ALPP: variants seen among roughly 807,000 people sequenced by gnomAD.
ALPP encodes the protein alkaline phosphatase, placental, also known as alkaline phosphatase, placental type.
ALPP carries 39 observed loss-of-function variants against 50.7 expected under a neutral mutation model. That is an observed-to-expected ratio of 0.77 (90% CI 0.60 to 1.00). The LOEUF (loss-of-function observed/expected upper bound fraction) is 1.00. Among genes scored for constraint, ALPP ranks in the 50% least tolerant of loss-of-function variants. The pLI is 0.00. For missense variants in ALPP, 550 were observed against 746.8 expected, an observed-to-expected ratio of 0.74 and a Z score of 3.07; for synonymous variants, 226 against 320.3, an observed-to-expected ratio of 0.71 and a Z score of 3.14.
chr2:232,379,434 G>A (rs1259305762), intron 3 of ALPP, 79 bp from the exon 4 acceptor site: 39 of 1,595,542 alleles, frequency 2.4e-5, no homozygotes, highest in Non-Finnish European at 3.2e-5. Context: ...AGAGGCAGTT[G>A]GAATCCCAGA....
rs74337556 is a variant in ALPP at position 232,379,906 on chromosome 2, T to C, written c.627T>C (p.Ala209=). The C allele has an allele frequency of 6.5e-3, 10,522 of 1,612,092 alleles. 566 individuals are homozygous for C. The African/African-American group carries it at 0.12, about 18-fold the overall frequency. The change falls in exon 5 of 11, where the codon GCT becomes GCC. Residue 209 remains alanine, a synonymous_variant. Coordinates refer to ENST00000392027, the MANE Select transcript of ALPP (RefSeq NM_001632.5). ...SARQEGCQDI[A]TQLISNMDID... Reference sequence around the variant, plus strand: ...GCCAGGAGGGGTGCCAGGACATCGCTACGCAGCTCATCTCCAACATGGACA... The same window carrying C: ...GCCAGGAGGGGTGCCAGGACATCGCCACGCAGCTCATCTCCAACATGGACA...
In ALPP at chr2:232,379,001, G is replaced by C. The variant is rs976994000; in HGVS notation, c.107G>C (p.Arg36Pro). 6.2e-7 allele frequency: 1 copy of C among 1,614,082 alleles called. No homozygotes were observed. ...GAGGAGAACCCGGACTTCTGGAACC[G>C]CGAGGCAGCCGAGGCCCTGGGTGCC... is the stretch of plus-strand genomic sequence containing the variant. The part of the protein sequence containing the change: ...VEEENPDFWN[R>P]EAAEALGAAK... Residue 36 changes from arginine (R) to proline (P), a missense_variant, in exon 2 of 11, where the codon CGC becomes CCC. Arg to Pro is a moderately radical substitution (Grantham distance 103). Transcript: ENST00000392027.
intron 3 of ALPP, 31 bp from the exon 4 acceptor site, chr2:232,379,482 A>G (rs767796067): frequency 1.4e-5 from 23 of 1,613,196 alleles, no homozygotes; most frequent in Non-Finnish European, 1.9e-5. Context: ...TGTCTGCCCC[A>G]GAGAAGAGCT....
Position 232,382,131 on chromosome 2 carries a change from G to A in ALPP, c.*336G>A. 2.2e-6 allele frequency: 1 copy of A among 451,682 alleles called. No individual in the cohort carries two copies. Among genetic ancestry groups the A allele is most frequent in the Non-Finnish European group, 3.9e-6 (1 of 254,210 alleles). The allele number at this position is 451,682 out of a possible 1,614,324, so 28.0% of individuals were successfully genotyped here. A position where few individuals can be genotyped will look rare whatever the true frequency, so the allele number is the denominator to read the frequency against. On this transcript the variant is annotated 3_prime_UTR_variant, in exon 11 of 11. Coordinates refer to ENST00000392027, the MANE Select transcript of ALPP (RefSeq NM_001632.5). ...CAGGCTCCCTTCCTGGGGAAAAGAA[G>A]CACCCAGACCCCGCGCCCCGCTGAT...
Position 232,382,143 on chromosome 2 carries a change from C to T in ALPP, c.*348C>T, listed in dbSNP as rs1049051. ...CTGGGGAAAAGAAGCACCCAGACCCCGCGCCCCGCTGATCTTTGCTTCAGT... is the reference window on the plus strand; with the variant it reads ...CTGGGGAAAAGAAGCACCCAGACCCTGCGCCCCGCTGATCTTTGCTTCAGT... On this transcript the variant is annotated 3_prime_UTR_variant, in exon 11 of 11. Transcript: ENST00000392027. 4 of 408,520 alleles carry T rather than the reference C, an allele frequency of 9.8e-6. No homozygotes were observed. The highest frequency in any genetic ancestry group is 4.1e-5 in the Admixed American group (1 of 24,468). 25.3% of individuals were successfully genotyped at this position (408,520 alleles called of 1,614,324 possible). A position where few individuals can be genotyped will look rare whatever the true frequency, so the allele number is the denominator to read the frequency against.
At position 232,381,953 on chromosome 2, in the gene ALPP, T is replaced by C. The variant is rs1358581649; in HGVS notation, c.*158T>C. On this transcript the variant is annotated 3_prime_UTR_variant, in exon 11 of 11. Transcript: ENST00000392027. ...TCCCCTCCCCGTGCGCTCTGGGGACTGAGCCCATGACACCAAACCTGCCCC... is the reference window on the plus strand; with the variant it reads ...TCCCCTCCCCGTGCGCTCTGGGGACCGAGCCCATGACACCAAACCTGCCCC... 1 of 1,210,950 alleles carries C rather than the reference T, an allele frequency of 8.3e-7. No individual in the cohort carries two copies. The highest frequency in any genetic ancestry group is 1.1e-6 in the Non-Finnish European group (1 of 893,106). The allele number at this position is 1,210,950 out of a possible 1,614,324, so 75.0% of individuals were successfully genotyped here. A position where few individuals can be genotyped will look rare whatever the true frequency, so the allele number is the denominator to read the frequency against.
Position 232,380,631 on chromosome 2 carries a change from G to T in ALPP, c.874G>T (p.Glu292Ter), listed in dbSNP as rs1696689907. The T allele has an allele frequency of 6.2e-7, 1 of 1,613,562 alleles. No homozygotes were observed. Among genetic ancestry groups the T allele is most frequent in the East Asian group, 2.2e-5 (1 of 44,820 alleles). The change falls in exon 8 of 11, where the codon GAG (glutamate) becomes TAG (stop). Residue 292 changes from glutamate (E) to a stop codon, truncating the protein, a stop_gained. Coordinates refer to ENST00000392027, the MANE Select transcript of ALPP (RefSeq NM_001632.5). LOFTEE classifies it high-confidence loss of function. ...GACCCCTTGTCCCACAGGTCTCTTTGAGCCTGGAGACATGAAATACGAGAT... is the reference window on the plus strand; with the variant it reads ...GACCCCTTGTCCCACAGGTCTCTTTTAGCCTGGAGACATGAAATACGAGAT... ...PSVTHLMGLF[E>*]PGDMKYEIHR... is the part of the protein sequence containing the mutation.
At position 232,381,805 on chromosome 2, in the gene ALPP, C is replaced by T. The variant is rs1315885677; in HGVS notation, c.*10C>T. 1 of 1,558,218 alleles carries T rather than the reference C, an allele frequency of 6.4e-7. No individual in the cohort carries two copies. The highest frequency in any genetic ancestry group is 1.2e-5 in the South Asian group (1 of 84,834). ...GGCCACTGCTCCCTGAGTGTCCCGT[C>T]CCTGGGGCTCCTGCTTCCCCATCCC... On this transcript the variant is annotated 3_prime_UTR_variant, in exon 11 of 11. Transcript: ENST00000392027.
At chr2:232,379,480 C>T in intron 3 of ALPP, 33 bp from the exon 4 acceptor site, 1 of 1,613,158 alleles carries the variant, frequency 6.2e-7, no homozygotes, top group Non-Finnish European at 8.5e-7. Flanking sequence ...CGTGTCTGCC[C>T]CAGAGAAGAG....
chr2:232,380,292 T>C lies in ALPP; in HGVS notation c.764T>C (p.Leu255Pro). 6.2e-7 allele frequency: 1 copy of C among 1,610,258 alleles called. No individual in the cohort carries two copies. Residue 255 changes from leucine (L) to proline (P), a missense_variant, in exon 6 of 11, where the codon CTG (leucine) becomes CCG (proline). This residue lies in a region of ALPP where 376 missense variants were observed against 388.5 expected (regional missense o/e 0.97). Coordinates refer to ENST00000392027, the MANE Select transcript of ALPP (RefSeq NM_001632.5). ...QGGTRLDGKN[L>P]VQEWLAKRQG... ...GGGACCAGGCTGGACGGGAAGAATC[T>C]GGTGCAGGAATGGCTGGCGAAGCGC...
At position 232,379,794 on chromosome 2, in the gene ALPP, G is replaced by A. The variant is rs746821321; in HGVS notation, c.515G>A (p.Arg172Gln). 84 of 1,613,788 alleles carry A rather than the reference G, an allele frequency of 5.2e-5. No homozygotes were observed. Among genetic ancestry groups the A allele is most frequent in the Non-Finnish European group, 6.7e-5 (79 of 1,180,050 alleles). The change falls in exon 5 of 11, where the codon CGA becomes CAA. Residue 172 changes from arginine to glutamine, a missense_variant. Coordinates refer to ENST00000392027, the MANE Select transcript of ALPP (RefSeq NM_001632.5). Reference sequence around the variant, plus strand: ...TCAGTGGGAGTGGTAACCACCACACGAGTGCAGCACGCCTCGCCAGCCGGC... The same window carrying A: ...TCAGTGGGAGTGGTAACCACCACACAAGTGCAGCACGCCTCGCCAGCCGGC... ...GKSVGVVTTT[R>Q]VQHASPAGTY...
At position 232,381,990 on chromosome 2, in the gene ALPP, C is replaced by G; in HGVS notation, c.*195C>G. ...ACCAAACCTGCCCCTTGGCTGCTCT[C>G]GGACTCCCTACCCCAACCCCAGGGA... On this transcript the variant is annotated 3_prime_UTR_variant, in exon 11 of 11. Transcript: ENST00000392027. 1.1e-6 allele frequency: 1 copy of G among 929,132 alleles called. No homozygotes were observed. Among genetic ancestry groups the G allele is most frequent in the Non-Finnish European group, 1.6e-6 (1 of 638,946 alleles). 57.6% of individuals were successfully genotyped at this position (929,132 alleles called of 1,614,324 possible).
chr2:232,381,831 G>A lies in ALPP; in HGVS notation c.*36G>A, dbSNP rs1696723194. The A allele has an allele frequency of 1.3e-6, 2 of 1,532,560 alleles. No homozygotes were observed. The highest frequency in any genetic ancestry group is 1.7e-6 in the Non-Finnish European group (2 of 1,146,108). The allele number at this position is 1,532,560 out of a possible 1,614,324, so 94.9% of individuals were successfully genotyped here. On this transcript the variant is annotated 3_prime_UTR_variant, in exon 11 of 11. Transcript: ENST00000392027. ...CCTGGGGCTCCTGCTTCCCCATCCC[G>A]GAGTTCTCCTGCTCCCCACCTCCTG...
rs761049942 is a variant in ALPP, at chr2:232,379,764, G to A, written c.485G>A (p.Gly162Glu). 4 of 1,614,006 alleles carry A rather than the reference G, an allele frequency of 2.5e-6. No homozygotes were observed. The highest frequency in any genetic ancestry group is 3.4e-6 in the Non-Finnish European group (4 of 1,180,030). ...ATATACTGACCTCTGACACCCTTAG[G>A]GAAGTCAGTGGGAGTGGTAACCACC... is the stretch of plus-strand genomic sequence containing the variant. The part of the protein sequence containing the change: ...ISVMNRAKKA[G>E]KSVGVVTTTR... Residue 162 changes from glycine to glutamate, a missense_variant and splice_region_variant, in exon 5 of 11, where the codon GGG becomes GAG. Physicochemically the swap from Gly to Glu is moderately conservative, Grantham distance 98. This residue lies in a region of ALPP where 376 missense variants were observed against 388.5 expected (regional missense o/e 0.97). Transcript: ENST00000392027.
In ALPP at chr2:232,381,603, C is replaced by T. The variant is rs375128033; in HGVS notation, c.1416C>T (p.His472=). 1.3e-5 allele frequency: 21 copies of T among 1,612,506 alleles called. No individual in the cohort carries two copies. The highest frequency in any genetic ancestry group is 1.7e-5 in the Non-Finnish European group (20 of 1,179,654). ...GCGGCCCGCAGGCGCACCTGGTTCA[C>T]GGCGTGCAGGAGCAGACCTTCATAG... is the stretch of plus-strand genomic sequence containing the variant. ...FARGPQAHLV[H]GVQEQTFIAH... The change falls in exon 11 of 11, where the codon CAC becomes CAT. Residue 472 remains histidine, a synonymous_variant. Coordinates refer to ENST00000392027, the MANE Select transcript of ALPP (RefSeq NM_001632.5).
At position 232,379,695 on chromosome 2, in the gene ALPP, G is replaced by T; in HGVS notation, c.484+8G>T. On this transcript the variant is annotated splice_region_variant and intron_variant, in intron 4 of 10. Coordinates refer to ENST00000392027, the MANE Select transcript of ALPP (RefSeq NM_001632.5). ...ATCGGGCCAAGAAAGCAGGTGAGCT[G>T]GGGCCCGCTGCTGGGTCACGGCCAG... The T allele has an allele frequency of 1.2e-6, 2 of 1,613,938 alleles. No individual in the cohort carries two copies. Among genetic ancestry groups the T allele is most frequent in the Non-Finnish European group, 1.7e-6 (2 of 1,179,966 alleles).
rs763584788 is a variant in ALPP at position 232,379,826 on chromosome 2, G to A, written c.547G>A (p.Ala183Thr). ...VQHASPAGTY[A>T]HTVNRNWYSD... ...GCACGCCTCGCCAGCCGGCACCTAC[G>A]CCCACACGGTGAACCGCAACTGGTA... Residue 183 changes from alanine (A) to threonine (T), a missense_variant, in exon 5 of 11, where the codon GCC (alanine) becomes ACC (threonine). Physicochemically the swap from Ala to Thr is moderately conservative, Grantham distance 58. Around this residue, in one of 5 missense-constraint regions of ALPP, gnomAD observed 376 missense variants for 388.5 expected, o/e 0.97. Coordinates refer to ENST00000392027, the MANE Select transcript of ALPP (RefSeq NM_001632.5). The A allele has an allele frequency of 2.9e-5, 47 of 1,613,730 alleles. No individual in the cohort carries two copies. Among genetic ancestry groups the A allele is most frequent in the Middle Eastern group, 1.6e-4 (1 of 6,074 alleles).
intron 5 of ALPP, 118 bp from the exon 6 acceptor site, chr2:232,380,068 G>C: frequency 3.2e-6 from 5 of 1,577,090 alleles, no homozygotes; most frequent in Non-Finnish European, 3.4e-6. Context: ...CGTAGAAGGT[G>C]CAGCCCAGGC....
chr2:232,380,517 C>T (rs1195109842), intron 7 of ALPP, 25 bp downstream of exon 7: 10 of 1,614,030 alleles, frequency 6.2e-6, no homozygotes, highest in Admixed American at 5.0e-5. Flanking sequence ...CCTGCCCTGG[C>T]ATCCCTCAGA....
Sources: gnomAD v4.1 joint callset for allele counts on GRCh38, gnomAD v4.1.1 for gene constraint, gnomAD v4.1.1 regional missense constraint, MANE v1.5 for transcripts, NCBI Gene and HGNC (gene_info 2026-07-23, HGNC 2026-07-21) for gene names.